PIDD1: variants seen among roughly 807,000 people sequenced by gnomAD.
PIDD1 encodes the protein p53-induced death domain protein 1, also known as p53-induced death domain-containing protein 1.
In PIDD1, 72 loss-of-function variants were observed where a neutral mutation model predicts 80.0. The observed-to-expected ratio is 0.90, with a 90% CI of 0.74 to 1.09. The LOEUF (loss-of-function observed/expected upper bound fraction) is 1.09. Ranked by LOEUF, PIDD1 falls within the 50% of genes least tolerant of loss-of-function variation. PIDD1 has a pLI of 0.00. For synonymous variants in PIDD1, 655 were observed against 543.5 expected, an observed-to-expected ratio of 1.21 and a Z score of -2.85; for missense variants, 1,329 against 1,228.3, an observed-to-expected ratio of 1.08 and a Z score of -1.23.
At chr11:807,053 G>A (rs1162409359), upstream of PIDD1, among the ~76,000 whole-genome samples, 1 of 152,202 alleles carries the variant, frequency 6.6e-6, no homozygotes, top group Non-Finnish European at 1.5e-5. Context: ...TTACCCAGGT[G>A]TGGTGGCAGG....
chr11:805,836 G>C, upstream of PIDD1: 1 of 280,216 alleles, frequency 3.6e-6, no homozygotes, highest in Non-Finnish European at 5.4e-6. Flanking sequence ...CGCGGTGGCT[G>C]ACGCCTGTAA....
upstream of PIDD1, among the ~76,000 whole-genome samples, chr11:806,887 G>T (rs1227370868): frequency 6.6e-6 from 1 of 152,112 alleles, no homozygotes; most frequent in Non-Finnish European, 1.5e-5. Context: ...CCGGCCAAGA[G>T]ATCTTTTTAA....
intron 5 of PIDD1, 66 bp downstream of exon 5, chr11:802,477 G>A (rs1477728982): frequency 6.3e-6 from 10 of 1,597,512 alleles, no homozygotes; most frequent in South Asian, 1.1e-5. Context: ...CTCTGGAGAA[G>A]GTGTCGGAGG....
At position 804,424 on chromosome 11, in the gene PIDD1, C is replaced by A; in HGVS notation, c.-36G>T. On this transcript the variant is annotated 5_prime_UTR_variant, in exon 2 of 16. Transcript: ENST00000347755. ...CGGTCCTTGGAGGCCAGACATGTCC[C>A]AGCACGCAGGCAGGCCTGTCCAGGC... is the stretch of plus-strand genomic sequence containing the variant. The A allele has an allele frequency of 6.4e-7, 1 of 1,550,740 alleles. No homozygotes were observed. Among genetic ancestry groups the A allele is most frequent in the Non-Finnish European group, 8.7e-7 (1 of 1,148,730 alleles).
intron 15 of PIDD1, 101 bp from the exon 16 acceptor site, chr11:799,666 C>G: frequency 7.0e-7 from 1 of 1,418,932 alleles, no homozygotes; most frequent in Non-Finnish European, 9.3e-7. Context: ...GCTCCTGGGG[C>G]CAGGTGCGGC....
Position 803,209 on chromosome 11 carries a change from G to A in PIDD1, c.674C>T (p.Ala225Val). 1 of 1,610,628 alleles carries A rather than the reference G, an allele frequency of 6.2e-7. No homozygotes were observed. Residue 225 changes from alanine (A) to valine (V), a missense_variant, in exon 3 of 16, where the codon GCC becomes GTC. Physicochemically the swap from Ala to Val is moderately conservative, Grantham distance 64. Transcript: ENST00000347755. The stretch of plus-strand genomic sequence containing the variant: ...TGGGAGGCTCTGCAGCCGGTTGGAG[G>A]CCAGGTTGAGCTCCAGGAGGCTGCC... ...GLGSLLELNL[A>V]SNRLQSLPAS...
chr11:800,369 G>A lies in PIDD1; in HGVS notation c.2124C>T (p.Thr708=), dbSNP rs1865166430. ...CAGCCTGAGCCTCCCGGTCCAGAGT[G>A]GTGGTCACGTATACCTCCTTCACAT... ...LKNVKEVYVT[T]TLDREAQAVR... is the part of the protein sequence containing the mutation. Residue 708 remains threonine (T), a synonymous_variant, in exon 13 of 16, where the codon ACC becomes ACT. Coordinates refer to ENST00000347755, the MANE Select transcript of PIDD1 (RefSeq NM_145886.4). The A allele has an allele frequency of 1.9e-6, 3 of 1,612,828 alleles. No homozygotes were observed. Among genetic ancestry groups the A allele is most frequent in the African/African-American group, 1.3e-5 (1 of 74,942 alleles).
At chr11:803,821 C>G in intron 2 of PIDD1, 1 of 632,728 alleles carries the variant, frequency 1.6e-6, no homozygotes, top group Non-Finnish European at 2.7e-6. Flanking sequence ...CAACCTTCCC[C>G]AGGAACAACA....
In PIDD1 at chr11:803,266, A is replaced by C; in HGVS notation, c.617T>G (p.Leu206Arg). ...TCCAATCTCAGGAGGTAGCGTGTCC[A>C]GCAGATTCTGAGAGAGATCGAGGCG... Reference protein sequence around the residue: ...LQRLDLSQNLLDTLPPEIGGL... With the variant: ...LQRLDLSQNLRDTLPPEIGGL... Residue 206 changes from leucine to arginine, a missense_variant, in exon 3 of 16, where the codon CTG becomes CGG. Transcript: ENST00000347755. 6.2e-7 allele frequency: 1 copy of C among 1,613,664 alleles called. No homozygotes were observed. Among genetic ancestry groups the C allele is most frequent in the Non-Finnish European group, 8.5e-7 (1 of 1,179,988 alleles).
rs1401701053 is a variant in PIDD1, at chr11:800,418, A to G, written c.2075T>C (p.Phe692Ser). The G allele has an allele frequency of 1.3e-6, 2 of 1,551,120 alleles. No homozygotes were observed. The highest frequency in any genetic ancestry group is 8.8e-7 in the Non-Finnish European group (1 of 1,135,380). ...RPDCVEGRIC[F>S]VFYSHLKNVK... ...ATTCTTCAGGTGCGAGTAGAAGACA[A>G]AGCAGATTCTGCCCTCCACACAGTC... is the stretch of plus-strand genomic sequence containing the variant. Residue 692 changes from phenylalanine (F) to serine (S), a missense_variant, in exon 13 of 16, where the codon TTT becomes TCT. Physicochemically the swap from Phe to Ser is radical, Grantham distance 155 (BLOSUM62 -2). Coordinates refer to ENST00000347755, the MANE Select transcript of PIDD1 (RefSeq NM_145886.4).
rs750271346 is a variant in PIDD1 at position 801,014 on chromosome 11, G to A, written c.1737C>T (p.Tyr579=). ...AQVVLELTHL[Y]ARFQVTHFSW... ...AGAAGTGTGTGACCTGGAAGCGTGC[G>A]TACAGGTGGGTGAGCTCCAGGACCA... The change falls in exon 10 of 16, where the codon TAC becomes TAT. Residue 579 remains tyrosine (Y), a synonymous_variant. Transcript: ENST00000347755. 13 of 1,602,668 alleles carry A rather than the reference G, an allele frequency of 8.1e-6. No homozygotes were observed. In the Middle Eastern group the frequency reaches 8.2e-4, roughly 102 times the overall value.
chr11:803,491 T>A lies in PIDD1; in HGVS notation c.392A>T (p.Asp131Val), dbSNP rs1401008042. ...LSGLAHLAHL[D>V]LSFNSLETLP... ...TGTCTCCAGGCTGTTGAAGCTCAGG[T>A]CCAGGTGGGCCAGATGGGCCAGGCC... The change falls in exon 3 of 16, where the codon GAC becomes GTC. Residue 131 changes from aspartate to valine, a missense_variant. Asp to Val is a radical substitution (Grantham distance 152). Transcript: ENST00000347755. 2.5e-6 allele frequency: 4 copies of A among 1,613,540 alleles called. No individual in the cohort carries two copies. Among genetic ancestry groups the A allele is most frequent in the Non-Finnish European group, 3.4e-6 (4 of 1,179,976 alleles).
At chr11:809,171 G>C (rs899033051), upstream of PIDD1, among the ~76,000 whole-genome samples, 2 of 152,198 alleles carry the variant, frequency 1.3e-5, no homozygotes, top group African/African-American at 4.8e-5. Context: ...AATGTAGCGG[G>C]GTCCCTGAGG....
rs764979154 is a variant in PIDD1 at position 799,980 on chromosome 11, G to A, written c.2309C>T (p.Ala770Val). 2 of 1,612,794 alleles carry A rather than the reference G, an allele frequency of 1.2e-6. No homozygotes were observed. Among genetic ancestry groups the A allele is most frequent in the Admixed American group, 1.7e-5 (1 of 60,018 alleles). Residue 770 changes from alanine to valine, a missense_variant, in exon 15 of 16, where the codon GCT becomes GTT. Transcript: ENST00000347755. ...LRGSEGPRRGAGLSLAPLNLG... is the reference protein window; with the variant it reads ...LRGSEGPRRGVGLSLAPLNLG... ...ATTCAAGGGTGCCAAGGAGAGGCCA[G>A]CCCCCCGCCGTGGCCCCTCGGACCC...
chr11:803,646 C>T (rs1176708743), intron 2 of PIDD1, 59 bp from the exon 3 acceptor site: 3 of 1,542,986 alleles, frequency 1.9e-6, no homozygotes, highest in Non-Finnish European at 1.7e-6. Flanking sequence ...CCCAGATCGA[C>T]CCTGCCAGCC....
intron 15 of PIDD1, 112 bp from the exon 16 acceptor site, chr11:799,677 C>G (rs1225637627): frequency 4.8e-5 from 67 of 1,400,440 alleles, no homozygotes; most frequent in Non-Finnish European, 5.9e-5. Flanking sequence ...CAGGTGCGGC[C>G]AGACCTTTCC....
chr11:807,999 G>GT (rs1332045434), upstream of PIDD1, among the ~76,000 whole-genome samples: 1 of 152,152 alleles, frequency 6.6e-6, no homozygotes, highest in Non-Finnish European at 1.5e-5. Flanking sequence ...GCAAAATACT[G>GT]TATTATTTCA....
In PIDD1 at chr11:801,290, G is replaced by T. The variant is rs1328623918; in HGVS notation, c.1558C>A (p.Leu520Met). The change falls in exon 9 of 16, where the codon CTG becomes ATG. Residue 520 changes from leucine (L) to methionine (M), a missense_variant. Physicochemically the swap from Leu to Met is conservative, Grantham distance 15 (BLOSUM62 2). Transcript: ENST00000347755. The part of the protein sequence containing the change: ...PEAAVSPLLC[L>M]SQSGPPSFLQ... ...AAGCTGGGGGGACCGCTCTGTGACA[G>T]GCACAGCAGGGGGCTCACTGCAGCC... The T allele has an allele frequency of 1.9e-6, 3 of 1,592,748 alleles. No individual in the cohort carries two copies. Among genetic ancestry groups the T allele is most frequent in the Non-Finnish European group, 2.6e-6 (3 of 1,169,762 alleles).
chr11:800,484 C>T (rs1565053057), intron 12 of PIDD1, 33 bp from the exon 13 acceptor site: 1 of 1,610,660 alleles, frequency 6.2e-7, no homozygotes, highest in Admixed American at 1.7e-5. Context: ...GCAAGGAGGG[C>T]TCGGGGAGGA....
Sources: allele counts gnomAD v4.1 joint callset (sites outside exome capture counted in the v4.1 genomes callset), GRCh38; gene constraint gnomAD v4.1.1; transcripts MANE v1.5; gene names NCBI Gene and HGNC (gene_info 2026-07-23, HGNC 2026-07-21).